The following PDE7B variants were observed in gnomAD, a reference collection of about 807,000 sequenced individuals.
The protein encoded by PDE7B is phosphodiesterase 7B, also known as 3',5'-cyclic-AMP phosphodiesterase 7B.
PDE7B carries 29 observed loss-of-function variants against 56.2 expected under a neutral mutation model. That is an observed-to-expected ratio of 0.52 (90% CI 0.38 to 0.70). PDE7B has a LOEUF of 0.70. Among genes scored for constraint, PDE7B ranks in the 30% least tolerant of loss-of-function variants. The pLI, the probability that PDE7B is intolerant of heterozygous loss-of-function variation, is 0.00. For missense variants in PDE7B, 490 were observed against 565.0 expected (o/e 0.87, Z 1.35); for synonymous variants, 197 against 196.9 (o/e 1.00, Z 0.00).
intron 1 of PDE7B, among the ~76,000 whole-genome samples, chr6:135,895,130 T>TA (rs369897194): frequency 4.0e-4 from 58 of 146,712 alleles, no homozygotes; most frequent in African/African-American, 6.5e-4. Flanking sequence ...TGTGATGAAA[T>TA]AAAAAAAAAA....
In PDE7B at chr6:136,155,724, T is replaced by C. The variant is rs1219822224; in HGVS notation, c.677T>C (p.Ile226Thr). The C allele has an allele frequency of 5.0e-6, 8 of 1,614,096 alleles. No homozygotes were observed. Among genetic ancestry groups the C allele is most frequent in the Non-Finnish European group, 6.8e-6 (8 of 1,179,988 alleles). Reference protein sequence around the residue: ...DHPGVNQPFLIKTNHHLANLY... With the variant: ...DHPGVNQPFLTKTNHHLANLY... ...CCAGGGGTGAACCAGCCATTTTTGA[T>C]AAAAACTAACCACCATCTTGCAAAC... is the stretch of plus-strand genomic sequence containing the variant. Residue 226 changes from isoleucine to threonine, a missense_variant, in exon 8 of 13, where the codon ATA becomes ACA. Physicochemically the swap from Ile to Thr is moderately conservative, Grantham distance 89. Coordinates refer to ENST00000308191, the MANE Select transcript of PDE7B (RefSeq NM_018945.4).
intron 9 of PDE7B, among the ~76,000 whole-genome samples, chr6:136,176,262 A>C (rs186363668): frequency 3.2e-3 from 485 of 152,214 alleles, no homozygotes; most frequent in African/African-American, 0.011. Flanking sequence ...AATTAAAATA[A>C]TTTTATTTTC....
chr6:136,140,954 T>A (rs1778314254), intron 3 of PDE7B, among the ~76,000 whole-genome samples: 1 of 152,090 alleles, frequency 6.6e-6, no homozygotes, highest in African/African-American at 2.4e-5. Flanking sequence ...GAATACCCTT[T>A]ATTTCCTTCT....
At chr6:135,855,441 C>A (rs1775008135) in intron 1 of PDE7B, among the ~76,000 whole-genome samples, 1 of 152,038 alleles carries the variant, frequency 6.6e-6, no homozygotes. Flanking sequence ...TGGAAAACTG[C>A]AGAGGAGGCA....
intron 3 of PDE7B, among the ~76,000 whole-genome samples, chr6:136,144,203 T>A (rs1382891108): frequency 6.6e-6 from 1 of 152,070 alleles, no homozygotes; most frequent in East Asian, 1.9e-4. Context: ...GTTTCAAACT[T>A]CTTCTTCACA....
chr6:136,131,500 T>TG (rs1778116363), intron 3 of PDE7B, among the ~76,000 whole-genome samples: 1 of 145,190 alleles, frequency 6.9e-6, no homozygotes, highest in African/African-American at 2.6e-5. Flanking sequence ...GCAGGTTTTT[T>TG]TTTTTTTTTT....
intron 2 of PDE7B, chr6:136,037,615 T>C (rs1419374036): frequency 1.0e-6 from 1 of 985,190 alleles, no homozygotes; most frequent in Admixed American, 6.2e-5. Context: ...GCTTCCTCTG[T>C]TTTTTTGAGA....
chr6:135,942,573 A>G (rs1276314248), intron 1 of PDE7B, among the ~76,000 whole-genome samples: 1 of 152,158 alleles, frequency 6.6e-6, no homozygotes, highest in Admixed American at 6.5e-5. Context: ...GTGTTGTACA[A>G]TAGATTTCCT....
At chr6:136,132,446 C>A (rs575020353) in intron 3 of PDE7B, among the ~76,000 whole-genome samples, 1 of 152,236 alleles carries the variant, frequency 6.6e-6, no homozygotes, top group Non-Finnish European at 1.5e-5. Flanking sequence ...CAGAAAGACC[C>A]AGGTTCCATC....
intron 2 of PDE7B, among the ~76,000 whole-genome samples, chr6:136,040,867 C>A (rs1404677828): frequency 6.6e-6 from 1 of 152,158 alleles, no homozygotes; most frequent in Non-Finnish European, 1.5e-5. Flanking sequence ...CCAGGTCAAG[C>A]ATCTCTCTCT....
intron 2 of PDE7B, among the ~76,000 whole-genome samples, chr6:136,065,792 G>A (rs575327126): frequency 6.6e-6 from 1 of 152,090 alleles, no homozygotes; most frequent in Non-Finnish European, 1.5e-5. Context: ...GTCTGATTAG[G>A]CATAAATTTC....
chr6:136,095,239 C>T (rs1023765468), intron 2 of PDE7B, among the ~76,000 whole-genome samples: 15 of 152,080 alleles, frequency 9.9e-5, no homozygotes, highest in African/African-American at 3.6e-4. Flanking sequence ...CCTTTAAACA[C>T]ACTTTAACAC....
At chr6:135,933,541 A>C (rs1444419530) in intron 1 of PDE7B, among the ~76,000 whole-genome samples, 2 of 152,200 alleles carry the variant, frequency 1.3e-5, no homozygotes, top group African/African-American at 2.4e-5. Flanking sequence ...GTTTAATAAA[A>C]TTGGTCTATA....
Position 135,885,396 on chromosome 6 carries a change from C to T in PDE7B, c.21+33377C>T, listed in dbSNP as rs115418629. 6.9e-3 allele frequency among the ~76,000 whole-genome samples: 1,045 copies of T among 151,620 alleles called. 5 individuals carry two copies. The highest frequency in any genetic ancestry group is 0.01 in the Middle Eastern group (3 of 294). ...GCTGCATCTGCATAATGGTGTGCAC[C>T]TTTCCAGTGATCTCTCGGGCATCAT... On this transcript the variant is annotated intron_variant, in intron 1 of 12. Transcript: ENST00000308191.
At chr6:135,868,649 C>T (rs978361064) in intron 1 of PDE7B, among the ~76,000 whole-genome samples, 2 of 152,182 alleles carry the variant, frequency 1.3e-5, no homozygotes, top group Non-Finnish European at 2.9e-5. Context: ...CCAGGCTGGT[C>T]TTGAACTTCT....
At chr6:135,959,966 G>A (rs1774868434) in intron 2 of PDE7B, among the ~76,000 whole-genome samples, 1 of 152,086 alleles carries the variant, frequency 6.6e-6, no homozygotes, top group South Asian at 2.1e-4. Context: ...TACAGATGGG[G>A]TTTCACCATC....
At chr6:135,931,190 G>A (rs1384760640) in intron 1 of PDE7B, among the ~76,000 whole-genome samples, 2 of 152,162 alleles carry the variant, frequency 1.3e-5, no homozygotes, top group Non-Finnish European at 2.9e-5. Context: ...TGCCCAATGA[G>A]TAGTTAAAGA....
At chr6:136,132,434 G>A (rs1283151888) in intron 3 of PDE7B, among the ~76,000 whole-genome samples, 2 of 152,026 alleles carry the variant, frequency 1.3e-5, no homozygotes, top group African/African-American at 4.8e-5. Context: ...CATCTTCAAG[G>A]TCAGAAAGAC....
intron 1 of PDE7B, among the ~76,000 whole-genome samples, chr6:135,853,805 A>G (rs1006222130): frequency 6.6e-6 from 1 of 152,154 alleles, no homozygotes; most frequent in African/African-American, 2.4e-5. Flanking sequence ...ATTTAGGGAA[A>G]ATAATTACAC....
Sources: allele counts gnomAD v4.1 joint callset (sites outside exome capture counted in the v4.1 genomes callset), GRCh38; gene constraint gnomAD v4.1.1; transcripts MANE v1.5; gene names NCBI Gene and HGNC (gene_info 2026-07-23, HGNC 2026-07-21).